Variants in RANGAP1 observed in about 807,000 individuals in gnomAD.
RANGAP1 encodes the protein Ran GTPase activating protein 1.
Under a neutral mutation model 63.5 loss-of-function variants are expected in RANGAP1, and 38 were observed. The observed-to-expected ratio is 0.60, with a 90% CI of 0.46 to 0.78. The LOEUF is 0.78. Ranked by LOEUF, RANGAP1 falls within the 30% of genes least tolerant of loss-of-function variation. The probability of loss-of-function intolerance (pLI) is 0.00; values close to 1 mark genes in which losing one functional copy is unlikely to be tolerated. For synonymous variants in RANGAP1, 329 were observed against 310.5 expected, an observed-to-expected ratio of 1.06 and a Z score of -0.63; for missense variants, 630 against 740.3, an observed-to-expected ratio of 0.85 and a Z score of 1.73.
chr22:41,271,495 G>C (rs2034826742), intron 3 of RANGAP1, among the ~76,000 whole-genome samples: 1 of 151,682 alleles, frequency 6.6e-6, no homozygotes, highest in African/African-American at 2.4e-5. Flanking sequence ...AGGAGATTGA[G>C]ACCATCCTGG....
chr22:41,252,975 A>G lies in RANGAP1; in HGVS notation c.1277T>C (p.Leu426Pro), dbSNP rs2033574170. The change falls in exon 12 of 16, where the codon CTG becomes CCG. Residue 426 changes from leucine (L) to proline (P), a missense_variant. Transcript: ENST00000356244. The part of the protein sequence containing the change: ...DPNTGEPAPV[L>P]SSPPPADVST... ...GACGTCTGCAGGAGGTGGGGAGGAC[A>G]GCACGGGAGCTGGCTCCTGGGAAGT... 3.3e-6 allele frequency: 5 copies of G among 1,514,096 alleles called. No individual in the cohort carries two copies. The highest frequency in any genetic ancestry group is 3.5e-6 in the Non-Finnish European group (4 of 1,134,132). The allele number at this position is 1,514,096 out of a possible 1,614,324, so 93.8% of individuals were successfully genotyped here.
At chr22:41,256,599 G>A in intron 8 of RANGAP1, 112 bp downstream of exon 8, 2 of 881,940 alleles carry the variant, frequency 2.3e-6, no homozygotes, top group Non-Finnish European at 3.5e-6. Context: ...CGAAGTGGAG[G>A]AGCTGGGATA....
upstream of RANGAP1, among the ~76,000 whole-genome samples, chr22:41,286,929 A>G (rs1029989581): frequency 5.9e-5 from 9 of 152,224 alleles, no homozygotes; most frequent in Non-Finnish European, 1.0e-4. Flanking sequence ...AAATGTCTGT[A>G]TTATGTAAGA....
At chr22:41,272,257 T>C (rs1020110813) in intron 3 of RANGAP1, among the ~76,000 whole-genome samples, 1 of 152,024 alleles carries the variant, frequency 6.6e-6, no homozygotes, top group Non-Finnish European at 1.5e-5. Context: ...GTTCTTTGGT[T>C]GGAAAACATC....
intron 4 of RANGAP1, among the ~76,000 whole-genome samples, chr22:41,267,492 G>GC (rs2034550299): frequency 6.6e-6 from 1 of 152,150 alleles, no homozygotes; most frequent in African/African-American, 2.4e-5. Flanking sequence ...CCGACCACCA[G>GC]CCCTGCCCTC....
At chr22:41,268,251 A>AC in intron 3 of RANGAP1, 95 bp from the exon 4 acceptor site, 1 of 1,076,030 alleles carries the variant, frequency 9.3e-7, no homozygotes, top group Non-Finnish European at 1.4e-6. Context: ...CCAGAGCATC[A>AC]CAAGACTTTT....
chr22:41,300,949 T>G, the RANGAP1 span, among the ~76,000 whole-genome samples: 3 of 152,134 alleles, frequency 2.0e-5, no homozygotes, highest in African/African-American at 7.2e-5. Context: ...TCCTTCCTCA[T>G]AAATTCCCAG....
chr22:41,280,854 G>C, intron 2 of RANGAP1, 79 bp downstream of exon 2: 2 of 1,593,648 alleles, frequency 1.3e-6, no homozygotes, highest in East Asian at 2.2e-5. Flanking sequence ...GTAGCAGAAA[G>C]AGCCTGACAA....
rs139509 is a variant in RANGAP1 at position 41,256,729 on chromosome 22, G to T, written c.870C>A (p.Gly290=). 7.6e-5 allele frequency: 123 copies of T among 1,613,518 alleles called. No homozygotes were observed. Among genetic ancestry groups the T allele is most frequent in the Non-Finnish European group, 1.0e-4 (122 of 1,179,928 alleles). ...GAVAIADAIR[G]GLPKLKELNL... is the part of the protein sequence containing the mutation. ...CTGGCACCTTTAGCTTGGGCAGGCCGCCGCGGATGGCATCTGCAATGGCAA... is the reference window on the plus strand; with the variant it reads ...CTGGCACCTTTAGCTTGGGCAGGCCTCCGCGGATGGCATCTGCAATGGCAA... Residue 290 remains glycine (G), a synonymous_variant, in exon 8 of 16, where the codon GGC becomes GGA. Coordinates refer to ENST00000356244, the MANE Select transcript of RANGAP1 (RefSeq NM_002883.4).
In RANGAP1 at chr22:41,257,868, C is replaced by T. The variant is rs79463944; in HGVS notation, c.774+80G>A. 4,514 of 1,480,142 alleles carry T rather than the reference C, an allele frequency of 3.0e-3. 118 individuals carry two copies. In the African/African-American group the frequency reaches 0.057, roughly 19 times the overall value. 91.7% of individuals were successfully genotyped at this position (1,480,142 alleles called of 1,614,324 possible). A position where few individuals can be genotyped will look rare whatever the true frequency, so the allele number is the denominator to read the frequency against. On this transcript the variant is annotated intron_variant, in intron 7 of 15. Coordinates refer to ENST00000356244, the MANE Select transcript of RANGAP1 (RefSeq NM_002883.4). The surrounding 1 kb of genome is among the most constrained non-coding windows in gnomAD (Gnocchi z 4.0). ...AGGGGGTAGAGGAGTCCCTGCTAAA[C>T]GGAGCCCCAGCTTCCCTGGAAAGAC...
At chr22:41,255,000 A>G (rs1428268547) in intron 10 of RANGAP1, among the ~76,000 whole-genome samples, 1 of 151,988 alleles carries the variant, frequency 6.6e-6, no homozygotes, top group East Asian at 1.9e-4. Context: ...AAAAAACAAA[A>G]AAAAATCAGA....
In RANGAP1 at chr22:41,286,009, T is replaced by C. The variant is rs1435399391; in HGVS notation, c.-62A>G. 2.6e-5 allele frequency: 4 copies of C among 152,074 alleles called. No individual in the cohort carries two copies. The highest frequency in any genetic ancestry group is 2.6e-4 in the Admixed American group (4 of 15,266). 9.4% of individuals were successfully genotyped at this position (152,074 alleles called of 1,614,324 possible). ...ACCGTAAACAGGCGGCGCCGCCGCG[T>C]GGGGGGAATCGAGCGCGCGCCTCCG... On this transcript the variant is annotated 5_prime_UTR_variant, in exon 1 of 16. Transcript: ENST00000356244.
In RANGAP1 at chr22:41,246,447, CACAT is replaced by C; in HGVS notation, c.*152_*155del. ...GACCTGCACATGCGCCACACCCACA[CACAT>C]ACTCAGGGGACTGACAGGACACATG... is the stretch of plus-strand genomic sequence containing the variant. On this transcript the variant is annotated 3_prime_UTR_variant, in exon 16 of 16. Transcript: ENST00000356244. 5.4e-6 allele frequency: 4 copies of C among 742,752 alleles called. No individual in the cohort carries two copies. The highest frequency in any genetic ancestry group is 8.7e-6 in the Non-Finnish European group (4 of 457,184). 46.0% of individuals were successfully genotyped at this position (742,752 alleles called of 1,614,324 possible).
the RANGAP1 span, among the ~76,000 whole-genome samples, chr22:41,300,428 T>TCTCA: frequency 2.8e-5 from 1 of 36,278 alleles, no homozygotes; most frequent in Non-Finnish European, 5.3e-5. Context: ...TATTGGGAAC[T>TCTCA]CACACACACA....
intron 6 of RANGAP1, 64 bp downstream of exon 6, chr22:41,261,382 T>A (rs879211275): frequency 6.2e-7 from 1 of 1,602,656 alleles, no homozygotes; most frequent in South Asian, 1.1e-5. Flanking sequence ...CATCCAGAAC[T>A]GTCAGCCTAC....
rs1299699592 is a variant in RANGAP1, at chr22:41,245,032, A to G, written c.*1571T>C. On this transcript the variant is annotated 3_prime_UTR_variant, in exon 16 of 16. Coordinates refer to ENST00000356244, the MANE Select transcript of RANGAP1 (RefSeq NM_002883.4). The stretch of plus-strand genomic sequence containing the variant: ...TTGTGTCTGGCTTATTTCATTTAAC[A>G]TGTTTTCAAAGTTCATCCACGTTGT... 1.3e-5 allele frequency among the ~76,000 whole-genome samples: 2 copies of G among 152,158 alleles called. No homozygotes were observed. The highest frequency in any genetic ancestry group is 6.5e-5 in the Admixed American group (1 of 15,274).
chr22:41,280,110 T>C (rs900913016), intron 2 of RANGAP1, among the ~76,000 whole-genome samples: 11 of 151,504 alleles, frequency 7.3e-5, no homozygotes, highest in African/African-American at 2.7e-4. Flanking sequence ...AAAAAAGTGA[T>C]AAATGCACAG....
At chr22:41,266,683 T>C (rs2034494990) in intron 4 of RANGAP1, among the ~76,000 whole-genome samples, 1 of 152,144 alleles carries the variant, frequency 6.6e-6, no homozygotes, top group Non-Finnish European at 1.5e-5. Context: ...ACAAGGCCCC[T>C]GCCATCACGC....
chr22:41,267,248 T>TAA, intron 4 of RANGAP1, among the ~76,000 whole-genome samples: 1 of 152,050 alleles, frequency 6.6e-6, no homozygotes, highest in East Asian at 1.9e-4. Flanking sequence ...CACGCACCTG[T>TAA]AATCCCAGCT....
Sources: allele counts gnomAD v4.1 joint callset (sites outside exome capture counted in the v4.1 genomes callset), GRCh38; gene constraint gnomAD v4.1.1; non-coding constraint Gnocchi (gnomAD v3.1); transcripts MANE v1.5; gene names NCBI Gene and HGNC (gene_info 2026-07-23, HGNC 2026-07-21).